Variants in FBXW4 observed in about 807,000 individuals in gnomAD.
The protein encoded by FBXW4 is F-box/WD repeat-containing protein 4.
FBXW4 carries 40 observed loss-of-function variants against 61.8 expected under a neutral mutation model. That is an observed-to-expected ratio of 0.65 (90% confidence interval 0.50 to 0.84). The LOEUF (loss-of-function observed/expected upper bound fraction) is 0.84. Among genes scored for constraint, FBXW4 ranks in the 40% least tolerant of loss-of-function variants. The probability of loss-of-function intolerance (pLI) is 0.00; values close to 1 mark genes in which losing one functional copy is unlikely to be tolerated. For missense variants in FBXW4, 672 were observed against 753.8 expected, an observed-to-expected ratio of 0.89 and a Z score of 1.27; for synonymous variants, 311 against 313.8, an observed-to-expected ratio of 0.99 and a Z score of 0.10.
At chr10:101,647,648 T>C (rs370127073) in intron 5 of FBXW4, among the ~76,000 whole-genome samples, 2 of 152,228 alleles carry the variant, frequency 1.3e-5, no homozygotes, top group African/African-American at 2.4e-5. Flanking sequence ...AGTCATTTCA[T>C]TGGAAGCTTC....
At chr10:101,659,352 A>G in intron 5 of FBXW4, 2 of 982,112 alleles carry the variant, frequency 2.0e-6, no homozygotes, top group Non-Finnish European at 2.4e-6. Context: ...GGCTTAGTGG[A>G]GGAAGGAGGA....
chr10:101,612,375 GTC>G lies in FBXW4; in HGVS notation c.1402_1403del (p.Asp468HisfsTer181). On this transcript the variant is annotated frameshift_variant, in exon 7 of 9. Coordinates refer to ENST00000331272, the MANE Select transcript of FBXW4 (RefSeq NM_022039.4). LOFTEE classifies it high-confidence loss of function. ...GGAGGTCCCAGTAGCGAACATAGGT[GTC>G]ATAGCCACAGGACAGCAGTGTGAAA... The part of the protein sequence containing the change: ...SPFTLLSCGY[D>X]TYVRYWDLRT... 1 of 1,595,718 alleles carries G rather than the reference GTC, an allele frequency of 6.3e-7. No homozygotes were observed. The highest frequency in any genetic ancestry group is 8.5e-7 in the Non-Finnish European group (1 of 1,170,442).
intron 5 of FBXW4, among the ~76,000 whole-genome samples, chr10:101,637,214 T>A (rs1450568470): frequency 2.8e-5 from 4 of 144,308 alleles, no homozygotes; most frequent in Admixed American, 6.9e-5. Flanking sequence ...AAACCCCATC[T>A]CTACTAAAAA....
intron 6 of FBXW4, among the ~76,000 whole-genome samples, chr10:101,613,894 G>T (rs1264886069): frequency 1.3e-5 from 2 of 152,260 alleles, no homozygotes; most frequent in African/African-American, 4.8e-5. Context: ...CAGTAGCCCA[G>T]AGCTGGGCCT....
rs756388426 is a variant in FBXW4 at position 101,611,647 on chromosome 10, C to T, written c.1565G>A (p.Arg522His). 10 of 1,614,032 alleles carry T rather than the reference C, an allele frequency of 6.2e-6. No homozygotes were observed. The highest frequency in any genetic ancestry group is 1.1e-5 in the South Asian group (1 of 91,082). The change falls in exon 8 of 9, where the codon CGT becomes CAT. Residue 522 changes from arginine (R) to histidine (H), a missense_variant. Coordinates refer to ENST00000331272, the MANE Select transcript of FBXW4 (RefSeq NM_022039.4). The surrounding 1 kb of genome is among the most constrained non-coding windows in gnomAD (Gnocchi z 4.9). The stretch of plus-strand genomic sequence containing the variant: ...ACTTACGTGCAGGCAGGCCCTTTGA[C>T]GCCGGTCCCACAGCCGTACAACACC... The part of the protein sequence containing the change: ...YYGVVRLWDR[R>H]QRACLHAFPL...
At chr10:101,635,971 T>C (rs2063998376) in intron 5 of FBXW4, among the ~76,000 whole-genome samples, 1 of 151,854 alleles carries the variant, frequency 6.6e-6, no homozygotes, top group Non-Finnish European at 1.5e-5. Flanking sequence ...AAAAGGTAGA[T>C]AAATGAGTGA....
chr10:101,624,270 TAAA>T (rs202127189), intron 6 of FBXW4, among the ~76,000 whole-genome samples: 1 of 136,032 alleles, frequency 7.4e-6, no homozygotes. Context: ...ATTAGAAAGT[TAAA>T]AAAAAAAAAA....
In FBXW4 at chr10:101,694,626, GGCC is replaced by G. The variant is rs1333839343; in HGVS notation, c.477_479del (p.Ala160del). 2.8e-6 allele frequency: 4 copies of G among 1,428,446 alleles called. No homozygotes were observed. Among genetic ancestry groups the G allele is most frequent in the East Asian group, 2.9e-5 (1 of 33,992 alleles). The allele number at this position is 1,428,446 out of a possible 1,614,324, so 88.5% of individuals were successfully genotyped here. On this transcript the variant is annotated inframe_deletion, in exon 1 of 9. Transcript: ENST00000331272. The surrounding 1 kb of genome is among the most constrained non-coding windows in gnomAD (Gnocchi z 6.0). ...CCTCCTCCTCCTCCTCCTCCTCCCC[GGCC>G]GCCGCCGCCATGGCCACCCCTGTCC...
chr10:101,695,013 C>T lies in FBXW4; in HGVS notation c.93G>A (p.Val31=). The change falls in exon 1 of 9, where the codon GTG becomes GTA. Residue 31 remains valine (V), a synonymous_variant. Coordinates refer to ENST00000331272, the MANE Select transcript of FBXW4 (RefSeq NM_022039.4). This position sits in a 1 kb window ranked among gnomAD's most constrained non-coding sequence, Gnocchi z 4.2. ...TCCCCTTCCTTCGCTTCCCCCTCGC[C>T]ACCCTCCCTTCCTGCAGCTTCCTCG... ...GEARKLQEGR[V]ARGKRRKGKG... 1 of 1,081,762 alleles carries T rather than the reference C, an allele frequency of 9.2e-7. No individual in the cohort carries two copies. Among genetic ancestry groups the T allele is most frequent in the Non-Finnish European group, 1.1e-6 (1 of 891,440 alleles). 67.0% of individuals were successfully genotyped at this position (1,081,762 alleles called of 1,614,324 possible). A position where few individuals can be genotyped will look rare whatever the true frequency, so the allele number is the denominator to read the frequency against.
chr10:101,684,725 T>G (rs1446695152), intron 1 of FBXW4, among the ~76,000 whole-genome samples: 1 of 152,256 alleles, frequency 6.6e-6, no homozygotes, highest in South Asian at 2.1e-4. Flanking sequence ...ACCTTCTAAC[T>G]TTTCATTTAT....
At chr10:101,662,321 G>A (rs1418974473) in intron 5 of FBXW4, among the ~76,000 whole-genome samples, 1 of 151,988 alleles carries the variant, frequency 6.6e-6, no homozygotes, top group African/African-American at 2.4e-5. Flanking sequence ...CCTTCCAGAC[G>A]CTCCCTCACC....
chr10:101,670,042 A>G (rs1357020410), intron 4 of FBXW4, among the ~76,000 whole-genome samples: 1 of 152,100 alleles, frequency 6.6e-6, no homozygotes, highest in Non-Finnish European at 1.5e-5. Context: ...GGTGTGAGCC[A>G]CCGCGCCCGG....
At chr10:101,621,089 G>A (rs936111371) in intron 6 of FBXW4, among the ~76,000 whole-genome samples, 1 of 152,182 alleles carries the variant, frequency 6.6e-6, no homozygotes, top group Non-Finnish European at 1.5e-5. Flanking sequence ...ACAAGGCCCA[G>A]CTATGTAACC....
intron 4 of FBXW4, among the ~76,000 whole-genome samples, chr10:101,672,488 C>T (rs183684010): frequency 2.4e-4 from 36 of 152,322 alleles, no homozygotes; most frequent in African/African-American, 7.5e-4. Flanking sequence ...AGTGAAAACA[C>T]ATTTTAATTA....
At chr10:101,653,289 C>A (rs1008405508) in intron 5 of FBXW4, among the ~76,000 whole-genome samples, 1 of 152,194 alleles carries the variant, frequency 6.6e-6, no homozygotes, top group Non-Finnish European at 1.5e-5. Flanking sequence ...TCTCTCTCCT[C>A]CAAAGAATCC....
chr10:101,653,119 C>T (rs2064157774), intron 5 of FBXW4, among the ~76,000 whole-genome samples: 1 of 152,188 alleles, frequency 6.6e-6, no homozygotes, highest in Admixed American at 6.5e-5. Flanking sequence ...ATCAGGCTCA[C>T]AGAGGTACTC....
rs746747365 is a variant in FBXW4 at position 101,686,327 on chromosome 10, C to A, written c.725+8054G>T. ...AGGACTTGTCAGTGCCTTTAATCCC[C>A]AATGGACATTGTGATCCCCAAGAGA... On this transcript the variant is annotated intron_variant, in intron 1 of 8. Coordinates refer to ENST00000331272, the MANE Select transcript of FBXW4 (RefSeq NM_022039.4). Among the ~76,000 whole-genome samples, 17 of 152,304 alleles carry A rather than the reference C, an allele frequency of 1.1e-4. No individual in the cohort carries two copies. The Middle Eastern group carries it at 0.01, about 92-fold the overall frequency.
In FBXW4 at chr10:101,681,718, AAATAATAATAATAAT is replaced by A. The variant is rs60453783; in HGVS notation, c.726-5297_726-5283del. Among the ~76,000 whole-genome samples, 913 of 143,402 alleles carry A rather than the reference AAATAATAATAATAAT, an allele frequency of 6.4e-3. 3 individuals carry two copies. The highest frequency in any genetic ancestry group is 8.6e-3 in the Non-Finnish European group (565 of 65,862). The allele number at this position is 143,402 out of a possible 152,430, so 94.1% of individuals were successfully genotyped here. On this transcript the variant is annotated intron_variant, in intron 1 of 8. Coordinates refer to ENST00000331272, the MANE Select transcript of FBXW4 (RefSeq NM_022039.4). Reference sequence around the variant, plus strand: ...GGCGACAGAGCGAGACTCCGTCTCAAAATAATAATAATAATAATAATAATAATAATAATAATAATA... The same window carrying A: ...GGCGACAGAGCGAGACTCCGTCTCAAAATAATAATAATAATAATAATAATA...
chr10:101,632,163 G>A (rs1224643314), intron 5 of FBXW4, among the ~76,000 whole-genome samples: 1 of 152,032 alleles, frequency 6.6e-6, no homozygotes. Flanking sequence ...GCCACAGCTG[G>A]CAGAGGTCTG....
Sources: allele counts gnomAD v4.1 joint callset (sites outside exome capture counted in the v4.1 genomes callset), GRCh38; gene constraint gnomAD v4.1.1; non-coding constraint Gnocchi (gnomAD v3.1); transcripts MANE v1.5; gene names NCBI Gene and HGNC (gene_info 2026-07-23, HGNC 2026-07-21).